ZNF385D: variants seen among roughly 807,000 people sequenced by gnomAD.
The protein encoded by ZNF385D is zinc finger protein 659.
Under a neutral mutation model 35.8 loss-of-function variants are expected in ZNF385D, and 15 were observed. The ratio of observed to expected loss-of-function variants is 0.42; its 90% confidence interval spans 0.28 to 0.64. ZNF385D has a LOEUF of 0.64. ZNF385D is among the 30% of genes least tolerant of loss of function. The probability of loss-of-function intolerance (pLI) is 0.23; values close to 1 mark genes in which losing one functional copy is unlikely to be tolerated. For missense variants in ZNF385D, 474 were observed against 494.6 expected, an observed-to-expected ratio of 0.96 and a Z score of 0.39; for synonymous variants, 212 against 186.8, an observed-to-expected ratio of 1.13 and a Z score of -1.10.
chr3:21,875,563 G>A (rs1300601285), intron 3 of ZNF385D, among the ~76,000 whole-genome samples: 1 of 152,050 alleles, frequency 6.6e-6, no homozygotes, highest in East Asian at 1.9e-4. Flanking sequence ...TCACTCTACA[G>A]TCTTCTTTTC....
At chr3:21,826,715 T>C (rs1694659078) in intron 3 of ZNF385D, among the ~76,000 whole-genome samples, 1 of 151,920 alleles carries the variant, frequency 6.6e-6, no homozygotes, top group Non-Finnish European at 1.5e-5. Flanking sequence ...ATTGGAGTCT[T>C]CCTGCAGTAA....
intron 2 of ZNF385D, among the ~76,000 whole-genome samples, chr3:22,304,393 T>C (rs1198829524): frequency 2.0e-5 from 3 of 152,212 alleles, no homozygotes; most frequent in Non-Finnish European, 2.9e-5. Context: ...TTAGCAGATA[T>C]TGACATGCAA....
intron 2 of ZNF385D, among the ~76,000 whole-genome samples, chr3:22,178,765 C>G (rs192308232): frequency 7.9e-5 from 12 of 152,108 alleles, no homozygotes; most frequent in Admixed American, 2.0e-4. Flanking sequence ...TTTTGTATAA[C>G]GTGTAAGGAA....
At chr3:22,049,370 C>T (rs79553964) in intron 3 of ZNF385D, among the ~76,000 whole-genome samples, 15,794 of 150,736 alleles carry the variant, frequency 0.1, 1,024 homozygotes, top group African/African-American at 0.18. Flanking sequence ...GATATTTATC[C>T]TGCAACTTTA....
At chr3:22,128,334 T>C (rs1414093102) in intron 3 of ZNF385D, among the ~76,000 whole-genome samples, 1 of 152,152 alleles carries the variant, frequency 6.6e-6, no homozygotes, top group Non-Finnish European at 1.5e-5. Flanking sequence ...TCTTGACTTT[T>C]GGGAGTCTGA....
intron 1 of ZNF385D, among the ~76,000 whole-genome samples, chr3:21,709,535 C>T (rs2068025793): frequency 6.6e-6 from 1 of 152,038 alleles, no homozygotes; most frequent in Admixed American, 6.6e-5. Flanking sequence ...TCTTTAGCCT[C>T]CTTGTCTACT....
At chr3:21,917,659 C>T (rs1700254697) in intron 3 of ZNF385D, among the ~76,000 whole-genome samples, 2 of 152,068 alleles carry the variant, frequency 1.3e-5, no homozygotes, top group South Asian at 4.1e-4. Flanking sequence ...AAGTCATATA[C>T]ACAGGAACAG....
At chr3:21,752,003 A>ACCCCCCCCCCCCCCCCCC (rs1400472266), upstream of ZNF385D, among the ~76,000 whole-genome samples, 1 of 45,822 alleles carries the variant, frequency 2.2e-5, no homozygotes, top group Admixed American at 2.4e-4. Context: ...ACACACACAC[A>ACCCCCCCCCCCCCCCCCC]CCCACCCCCC....
intron 3 of ZNF385D, among the ~76,000 whole-genome samples, chr3:22,038,985 T>C (rs754407581): frequency 6.6e-6 from 1 of 151,208 alleles, no homozygotes; most frequent in South Asian, 2.1e-4. Flanking sequence ...TATAATCACA[T>C]AATTTTATCT....
intron 3 of ZNF385D, among the ~76,000 whole-genome samples, chr3:21,959,647 T>G (rs1702474281): frequency 6.6e-6 from 1 of 152,108 alleles, no homozygotes; most frequent in Non-Finnish European, 1.5e-5. Context: ...CCTGTCACCA[T>G]GGAAGATGGG....
chr3:21,895,666 G>T (rs549748213), intron 3 of ZNF385D, among the ~76,000 whole-genome samples: 1 of 151,952 alleles, frequency 6.6e-6, no homozygotes, highest in Non-Finnish European at 1.5e-5. Context: ...AAACATGAAA[G>T]ATTTCCCTTT....
intron 3 of ZNF385D, among the ~76,000 whole-genome samples, chr3:21,964,134 A>G (rs950864281): frequency 6.6e-6 from 1 of 151,996 alleles, no homozygotes; most frequent in African/African-American, 2.4e-5. Flanking sequence ...CCCACAAATC[A>G]TTTTATAATC....
At chr3:21,934,067 A>T (rs1267774672) in intron 3 of ZNF385D, among the ~76,000 whole-genome samples, 1 of 152,170 alleles carries the variant, frequency 6.6e-6, no homozygotes, top group Non-Finnish European at 1.5e-5. Flanking sequence ...TTTAGAAAGA[A>T]ATCATTCTTT....
chr3:21,652,080 C>G (rs2065932712), intron 2 of ZNF385D, among the ~76,000 whole-genome samples: 1 of 152,098 alleles, frequency 6.6e-6, no homozygotes, highest in African/African-American at 2.4e-5. Context: ...TCTCTTTTAC[C>G]TTCACTGAAT....
At chr3:21,575,408 A>G (rs1004387982) in intron 2 of ZNF385D, among the ~76,000 whole-genome samples, 7 of 152,210 alleles carry the variant, frequency 4.6e-5, no homozygotes, top group African/African-American at 1.7e-4. Flanking sequence ...GCTTATTTCT[A>G]TTAATCTCCT....
chr3:22,222,960 T>C (rs1436969350), intron 2 of ZNF385D, among the ~76,000 whole-genome samples: 1 of 152,136 alleles, frequency 6.6e-6, no homozygotes, highest in Non-Finnish European at 1.5e-5. Context: ...TGTTTAGTCA[T>C]TGATAAGTAT....
chr3:21,527,322 G>C (rs1708286069), intron 3 of ZNF385D, among the ~76,000 whole-genome samples: 1 of 152,112 alleles, frequency 6.6e-6, no homozygotes, highest in African/African-American at 2.4e-5. Context: ...ATGATGGTTG[G>C]CATTCTTAGG....
chr3:22,050,387 A>T (rs1230579380), intron 3 of ZNF385D, among the ~76,000 whole-genome samples: 1 of 152,052 alleles, frequency 6.6e-6, no homozygotes, highest in Admixed American at 6.6e-5. Context: ...AACAAACAAA[A>T]AAACCACCAC....
intron 3 of ZNF385D, among the ~76,000 whole-genome samples, chr3:21,544,561 T>C (rs1374470445): frequency 6.6e-6 from 1 of 152,132 alleles, no homozygotes; most frequent in Non-Finnish European, 1.5e-5. Flanking sequence ...ATTCTGGAAA[T>C]TAATCTTGAA....
Sources: allele counts gnomAD v4.1 joint callset (sites outside exome capture counted in the v4.1 genomes callset), GRCh38; gene constraint gnomAD v4.1.1; transcripts MANE v1.5; gene names NCBI Gene and HGNC (gene_info 2026-07-23, HGNC 2026-07-21).